MYOCD: variants seen among roughly 807,000 people sequenced by gnomAD.
MYOCD encodes the protein myocardin.
Under a neutral mutation model 96.1 loss-of-function variants are expected in MYOCD, and 32 were observed. That is an observed-to-expected ratio of 0.33 (90% CI 0.25 to 0.45). The LOEUF (loss-of-function observed/expected upper bound fraction) is 0.45, where lower values mean the gene tolerates loss of function less well. Ranked by LOEUF, MYOCD falls within the 20% of genes least tolerant of loss-of-function variation. MYOCD has a pLI of 1.00. For synonymous variants in MYOCD, 469 were observed against 469.0 expected, an observed-to-expected ratio of 1.00 and a Z score of 0.00; for missense variants, 1,133 against 1,200.6, an observed-to-expected ratio of 0.94 and a Z score of 0.83.
chr17:12,677,117 T>C (rs138253076), intron 1 of MYOCD, among the ~76,000 whole-genome samples: 1 of 152,246 alleles, frequency 6.6e-6, no homozygotes, highest in African/African-American at 2.4e-5. Context: ...TGGTTGGAGC[T>C]GGAGGCCATT....
chr17:12,687,442 T>C (rs2030184432), intron 1 of MYOCD, among the ~76,000 whole-genome samples: 1 of 152,162 alleles, frequency 6.6e-6, no homozygotes, highest in Admixed American at 6.6e-5. Context: ...TCGTGGACTA[T>C]TTAGAAGAAA....
At chr17:12,742,221 A>G (rs1323349898) in intron 7 of MYOCD, among the ~76,000 whole-genome samples, 1 of 152,186 alleles carries the variant, frequency 6.6e-6, no homozygotes, top group Non-Finnish European at 1.5e-5. Flanking sequence ...ATCGATTAGT[A>G]AGCAGAGAGA....
At chr17:12,735,622 T>C (rs767335653) in intron 5 of MYOCD, among the ~76,000 whole-genome samples, 11 of 152,230 alleles carry the variant, frequency 7.2e-5, no homozygotes, top group Non-Finnish European at 1.3e-4. Flanking sequence ...TGACATTAGC[T>C]AATTCTGACA....
chr17:12,749,159 G>A (rs2032754387), intron 9 of MYOCD, among the ~76,000 whole-genome samples: 2 of 152,030 alleles, frequency 1.3e-5, no homozygotes, highest in Admixed American at 6.6e-5. Flanking sequence ...ATTTTTAATA[G>A]CAGCATATCA....
rs150409078 is a variant in MYOCD, at chr17:12,673,486, T to C, written c.55+7243T>C. Among the ~76,000 whole-genome samples the C allele has an allele frequency of 3.7e-3, 568 of 152,314 alleles. 4 individuals are homozygous for C. Among genetic ancestry groups the C allele is most frequent in the South Asian group, 0.011 (53 of 4,826 alleles). On this transcript the variant is annotated intron_variant, in intron 1 of 13. Coordinates refer to ENST00000425538, the MANE Select transcript of MYOCD (RefSeq NM_001146312.3). ...AAGCGGCTACATAGCAACATAGTTT[T>C]TGCTTTAAAGACTGTATAATATTCC...
chr17:12,673,997 C>T (rs1909865791), intron 1 of MYOCD, among the ~76,000 whole-genome samples: 1 of 151,544 alleles, frequency 6.6e-6, no homozygotes, highest in South Asian at 2.1e-4. Flanking sequence ...TTAGGGACCA[C>T]GTGTTACCAA....
At chr17:12,705,312 G>A (rs995032635) in intron 2 of MYOCD, 119 bp downstream of exon 2, 4 of 656,144 alleles carry the variant, frequency 6.1e-6, no homozygotes, top group Middle Eastern at 2.5e-4. Context: ...GATCTTCAAA[G>A]CATTGGTATC....
intron 10 of MYOCD, among the ~76,000 whole-genome samples, chr17:12,756,138 GCAGAA>G (rs2033005347): frequency 6.6e-6 from 1 of 152,174 alleles, no homozygotes; most frequent in Non-Finnish European, 1.5e-5. Context: ...ACTTAAGCTT[GCAGAA>G]GTAAATAGCA....
Position 12,728,480 on chromosome 17 carries a change from TTTG to T in MYOCD, c.415+5481_415+5483del, listed in dbSNP as rs528446095. On this transcript the variant is annotated intron_variant, in intron 5 of 13. Transcript: ENST00000425538. ...AGTCTTCCCACCTGAGTCAGGTTTT[TTTG>T]TTGTTGTTTTTTTAAGACAGAGTTT... is the stretch of plus-strand genomic sequence containing the variant. Among the ~76,000 whole-genome samples the T allele has an allele frequency of 9.9e-5, 15 of 152,238 alleles. No homozygotes were observed. The South Asian group carries it at 2.9e-3, about 29-fold the overall frequency.
chr17:12,690,210 T>C (rs2030373414), intron 1 of MYOCD, among the ~76,000 whole-genome samples: 1 of 151,750 alleles, frequency 6.6e-6, no homozygotes, highest in African/African-American at 2.4e-5. Context: ...CAAAGAATGT[T>C]ATCAGACAGT....
chr17:12,710,007 T>A (rs1196084398), intron 2 of MYOCD, among the ~76,000 whole-genome samples: 6 of 152,166 alleles, frequency 3.9e-5, no homozygotes, highest in Non-Finnish European at 1.5e-5. Context: ...TCTTTATTAA[T>A]CCTCTGCTGT....
chr17:12,692,822 A>G lies in MYOCD; in HGVS notation c.56-12306A>G, dbSNP rs545358063. On this transcript the variant is annotated intron_variant, in intron 1 of 13. Coordinates refer to ENST00000425538, the MANE Select transcript of MYOCD (RefSeq NM_001146312.3). ...ACTCTGCCAAGCTTCCTAACCCTCA[A>G]TTTCCAAGAGCCCTGGCCCACCTAT... Among the ~76,000 whole-genome samples, 56 of 152,164 alleles carry G rather than the reference A, an allele frequency of 3.7e-4. 1 individual carries two copies. The highest frequency in any genetic ancestry group is 8.3e-4 in the South Asian group (4 of 4,812).
chr17:12,720,890 C>T (rs986126805), intron 4 of MYOCD, among the ~76,000 whole-genome samples: 3 of 151,870 alleles, frequency 2.0e-5, no homozygotes, highest in Middle Eastern at 3.4e-3. Context: ...GGCGTGGTGG[C>T]GGGTGCCTGT....
chr17:12,723,187 C>T (rs1388461119), intron 5 of MYOCD, among the ~76,000 whole-genome samples, 179 bp downstream of exon 5: 1 of 152,100 alleles, frequency 6.6e-6, no homozygotes, highest in Non-Finnish European at 1.5e-5. Context: ...GTTGCAATCC[C>T]CATTCTTGTA....
chr17:12,768,177 C>G lies in MYOCD; in HGVS notation c.*4533C>G, dbSNP rs1243490138. On this transcript the variant is annotated 3_prime_UTR_variant, in exon 14 of 14. Transcript: ENST00000425538. ...AGATGATACTGATAGACACACAGAG[C>G]CCAGGTCCTGGAACAAGACAATCCT... is the stretch of plus-strand genomic sequence containing the variant. 1.3e-5 allele frequency: 2 copies of G among 152,104 alleles called. No individual in the cohort carries two copies. The highest frequency in any genetic ancestry group is 1.3e-4 in the Admixed American group (2 of 15,256). 9.4% of individuals were successfully genotyped at this position (152,104 alleles called of 1,614,324 possible).
At chr17:12,696,300 T>C (rs920966919) in intron 1 of MYOCD, among the ~76,000 whole-genome samples, 1 of 152,070 alleles carries the variant, frequency 6.6e-6, no homozygotes, top group Admixed American at 6.6e-5. Flanking sequence ...TATATCACAT[T>C]GTGTTTATCC....
chr17:12,686,857 CT>C (rs1237030220), intron 1 of MYOCD, among the ~76,000 whole-genome samples: 13 of 152,344 alleles, frequency 8.5e-5, no homozygotes, highest in African/African-American at 3.1e-4. Flanking sequence ...GATTTGAGAG[CT>C]TTCCAGTGCT....
chr17:12,692,144 G>C (rs1484261800), intron 1 of MYOCD, among the ~76,000 whole-genome samples: 1 of 152,176 alleles, frequency 6.6e-6, no homozygotes, highest in Non-Finnish European at 1.5e-5. Context: ...TGTTACTCCT[G>C]TGCCTTCAGT....
intron 7 of MYOCD, among the ~76,000 whole-genome samples, chr17:12,742,406 G>A (rs1597798992): frequency 6.6e-6 from 1 of 152,110 alleles, no homozygotes; most frequent in South Asian, 2.1e-4. Context: ...TTGAAGTGGG[G>A]AACCTGCCAA....
Sources: allele counts gnomAD v4.1 joint callset (sites outside exome capture counted in the v4.1 genomes callset), GRCh38; gene constraint gnomAD v4.1.1; transcripts MANE v1.5; gene names NCBI Gene and HGNC (gene_info 2026-07-23, HGNC 2026-07-21).